The following PTPRD variants were observed in gnomAD, a reference collection of about 807,000 sequenced individuals.
PTPRD encodes the protein receptor-type tyrosine-protein phosphatase delta.
A neutral mutation model predicts 214.5 loss-of-function variants in PTPRD; 34 were observed. That is an observed-to-expected ratio of 0.16 (90% CI 0.12 to 0.21). The LOEUF (loss-of-function observed/expected upper bound fraction) is 0.21, where lower values mean the gene tolerates loss of function less well. PTPRD is among the 10% of genes least tolerant of loss of function. The pLI is 1.00. For missense variants in PTPRD, 2,545 were observed against 2,398.7 expected (o/e 1.06, Z -1.27); for synonymous variants, 1,128 against 845.7 (o/e 1.33, Z -5.79).
In PTPRD at chr9:9,343,537, G is replaced by A. The variant is rs149137155; in HGVS notation, c.-203+53912C>T. ...TAAACGCCTTCTTTTGTATATCTCT[G>A]ACTTTTCTCCAAATGAGGTTTGAAT... is the stretch of plus-strand genomic sequence containing the variant. On this transcript the variant is annotated intron_variant, in intron 9 of 45. Transcript: ENST00000381196. Among the ~76,000 whole-genome samples, 367 of 152,080 alleles carry A rather than the reference G, an allele frequency of 2.4e-3. 1 individual carries two copies. Among genetic ancestry groups the A allele is most frequent in the African/African-American group, 8.5e-3 (354 of 41,496 alleles).
At chr9:10,421,688 G>A (rs926615733) in intron 2 of PTPRD, among the ~76,000 whole-genome samples, 19 of 151,924 alleles carry the variant, frequency 1.3e-4, no homozygotes, top group African/African-American at 4.3e-4. Context: ...GTTTCTAAAT[G>A]TACATTCTAC....
At chr9:10,333,194 C>T (rs2096782879) in intron 3 of PTPRD, among the ~76,000 whole-genome samples, 1 of 151,674 alleles carries the variant, frequency 6.6e-6, no homozygotes, top group Non-Finnish European at 1.5e-5. Context: ...TTCTGAGACT[C>T]CGATTAGTGC....
intron 2 of PTPRD, among the ~76,000 whole-genome samples, chr9:10,433,875 C>A (rs2098699623): frequency 6.6e-6 from 1 of 151,602 alleles, no homozygotes; most frequent in Non-Finnish European, 1.5e-5. Context: ...CTTTTAGTCT[C>A]ACAATTGATC....
At chr9:9,478,380 C>T (rs1286144428) in intron 8 of PTPRD, among the ~76,000 whole-genome samples, 1 of 152,038 alleles carries the variant, frequency 6.6e-6, no homozygotes, top group African/African-American at 2.4e-5. Context: ...AGCTGAATAA[C>T]AATAGTAAAA....
intron 11 of PTPRD, among the ~76,000 whole-genome samples, chr9:8,795,390 A>G (rs1414708962): frequency 6.6e-6 from 1 of 151,850 alleles, no homozygotes; most frequent in Non-Finnish European, 1.5e-5. Flanking sequence ...CTGATCTCGA[A>G]CTCCTGACCT....
chr9:8,438,959 A>G (rs2095449875), intron 34 of PTPRD: 3 of 152,112 alleles, frequency 2.0e-5, no homozygotes, highest in African/African-American at 7.2e-5. Context: ...ATTATATTGG[A>G]AGTTTATTAA....
At chr9:9,987,376 C>G (rs2095753196) in intron 4 of PTPRD, among the ~76,000 whole-genome samples, 1 of 152,158 alleles carries the variant, frequency 6.6e-6, no homozygotes, top group Non-Finnish European at 1.5e-5. Flanking sequence ...AATGGACTTA[C>G]AGTTCCACAT....
At chr9:9,544,251 G>C (rs764939777) in intron 8 of PTPRD, among the ~76,000 whole-genome samples, 1 of 151,646 alleles carries the variant, frequency 6.6e-6, no homozygotes, top group East Asian at 1.9e-4. Flanking sequence ...TGAAAAGCAA[G>C]TATTAACCAT....
At chr9:9,087,549 C>T (rs500091) in intron 10 of PTPRD, among the ~76,000 whole-genome samples, 95,075 of 151,870 alleles carry the variant, frequency 0.63, 30,529 homozygotes, top group Non-Finnish European at 0.7. Flanking sequence ...GAGAAACATA[C>T]AGAGAAGTGA....
intron 5 of PTPRD, among the ~76,000 whole-genome samples, chr9:9,791,309 A>AT (rs2098965660): frequency 6.6e-6 from 1 of 152,178 alleles, no homozygotes; most frequent in African/African-American, 2.4e-5. Context: ...TTTGTTCTTT[A>AT]AGAAATTCAT....
chr9:10,049,925 A>G (rs1488812244), intron 3 of PTPRD, among the ~76,000 whole-genome samples: 1 of 152,168 alleles, frequency 6.6e-6, no homozygotes, highest in East Asian at 1.9e-4. Context: ...CTCAGAATCT[A>G]GTCAATTATT....
At chr9:10,120,943 G>C (rs1347797042) in intron 3 of PTPRD, among the ~76,000 whole-genome samples, 1 of 152,032 alleles carries the variant, frequency 6.6e-6, no homozygotes, top group African/African-American at 2.4e-5. Flanking sequence ...ACATTGAAGA[G>C]GGGCTCAAAA....
At chr9:9,675,380 G>A (rs1329829415) in intron 7 of PTPRD, among the ~76,000 whole-genome samples, 1 of 151,212 alleles carries the variant, frequency 6.6e-6, no homozygotes, top group African/African-American at 2.4e-5. Context: ...GGAATTTGGA[G>A]AATAAACATT....
intron 14 of PTPRD, among the ~76,000 whole-genome samples, chr9:8,561,374 C>A (rs2086253333): frequency 6.6e-6 from 1 of 151,508 alleles, no homozygotes; most frequent in African/African-American, 2.4e-5. Flanking sequence ...GTGAGCTGTT[C>A]CATTGTTCAA....
At chr9:8,493,947 T>A (rs898275530) in intron 26 of PTPRD, among the ~76,000 whole-genome samples, 1 of 151,920 alleles carries the variant, frequency 6.6e-6, no homozygotes, top group Non-Finnish European at 1.5e-5. Flanking sequence ...CAGAGCTGCA[T>A]GTACACATGC....
intron 3 of PTPRD, among the ~76,000 whole-genome samples, chr9:10,182,707 T>C (rs544403264): frequency 6.6e-6 from 1 of 152,214 alleles, no homozygotes; most frequent in East Asian, 1.9e-4. Flanking sequence ...GCAAAAAATG[T>C]AAAGGAAGAA....
intron 14 of PTPRD, among the ~76,000 whole-genome samples, chr9:8,628,904 T>C (rs1376886783): frequency 6.6e-6 from 1 of 151,888 alleles, no homozygotes; most frequent in Non-Finnish European, 1.5e-5. Flanking sequence ...ACTGTAGATA[T>C]GTTCTATGAA....
chr9:9,386,978 C>G (rs1330436581), intron 9 of PTPRD, among the ~76,000 whole-genome samples: 1 of 152,164 alleles, frequency 6.6e-6, no homozygotes, highest in Non-Finnish European at 1.5e-5. Flanking sequence ...AATTTGTGTC[C>G]TAACAGCTCA....
chr9:8,980,166 T>TA (rs2099302530), intron 11 of PTPRD, among the ~76,000 whole-genome samples: 1 of 151,988 alleles, frequency 6.6e-6, no homozygotes, highest in African/African-American at 2.4e-5. Context: ...CATATGTGAA[T>TA]TTTTTTAAAA....
Sources: gnomAD v4.1 joint callset for allele counts (sites outside exome capture counted in the v4.1 genomes callset) on GRCh38, gnomAD v4.1.1 for gene constraint, MANE v1.5 for transcripts, NCBI Gene and HGNC (gene_info 2026-07-23, HGNC 2026-07-21) for gene names.